The following SRGAP2B variants were observed in gnomAD, a reference collection of about 807,000 sequenced individuals.
SRGAP2B encodes SLIT-ROBO Rho GTPase-activating protein 2B.
In SRGAP2B, 9 loss-of-function variants were observed where a neutral mutation model predicts 22.2. That is an observed-to-expected ratio of 0.41 (90% CI 0.24 to 0.71). The LOEUF (loss-of-function observed/expected upper bound fraction) is 0.71, where lower values mean the gene tolerates loss of function less well. Among genes scored for constraint, SRGAP2B ranks in the 30% least tolerant of loss-of-function variants. The probability of loss-of-function intolerance (pLI) is 0.35; values close to 1 mark genes in which losing one functional copy is unlikely to be tolerated. For synonymous variants in SRGAP2B, 36 were observed against 87.4 expected, an observed-to-expected ratio of 0.41 and a Z score of 3.28; for missense variants, 114 against 235.8, an observed-to-expected ratio of 0.48 and a Z score of 3.38.
At position 144,956,439 on chromosome 1, in the gene SRGAP2B, C is replaced by CTTTTT. The variant is rs3069132; in HGVS notation, c.261-843_261-839dup. Among the ~76,000 whole-genome samples, 19 of 95,384 alleles carry CTTTTT rather than the reference C, an allele frequency of 2.0e-4. 2 individuals carry two copies. In the East Asian group the frequency reaches 3.3e-3, roughly 17 times the overall value. 62.6% of individuals were successfully genotyped at this position (95,384 alleles called of 152,430 possible). A position where few individuals can be genotyped will look rare whatever the true frequency, so the allele number is the denominator to read the frequency against. On this transcript the variant is annotated intron_variant, in intron 3 of 9. Coordinates refer to ENST00000612199, the Ensembl canonical transcript of SRGAP2B. ...AGTGCTAAACCAAGGTGCTCATTCC[C>CTTTTT]TTTTTTTTTTTTTTTTTTTTTTTTT...
chr1:144,993,043 G>T (rs1462654599), intron 3 of SRGAP2B, among the ~76,000 whole-genome samples: 1 of 151,378 alleles, frequency 6.6e-6, no homozygotes, highest in Non-Finnish European at 1.5e-5. Context: ...ACCTGAGATG[G>T]GTCTTAAGAC....
chr1:144,978,936 T>A (rs1669094112), intron 3 of SRGAP2B, among the ~76,000 whole-genome samples: 1 of 150,928 alleles, frequency 6.6e-6, no homozygotes, highest in Non-Finnish European at 1.5e-5. Flanking sequence ...GCACTTATCA[T>A]CTGGCTGGAA....
At chr1:145,066,555 CT>C (rs1409048020) in intron 2 of SRGAP2B, among the ~76,000 whole-genome samples, 10 of 149,492 alleles carry the variant, frequency 6.7e-5, no homozygotes, top group Admixed American at 2.7e-4. Flanking sequence ...GGTTCAAAAT[CT>C]TTCCTCTGGA....
intron 5 of SRGAP2B, among the ~76,000 whole-genome samples, chr1:144,913,969 AGTGT>A (rs1291659540): frequency 1.3e-5 from 2 of 150,266 alleles, no homozygotes; most frequent in African/African-American, 5.0e-5. Context: ...TATGTGTGTG[AGTGT>A]GTGTTTGTTT....
At chr1:145,044,788 G>A (rs1366069694) in intron 2 of SRGAP2B, among the ~76,000 whole-genome samples, 2 of 140,648 alleles carry the variant, frequency 1.4e-5, no homozygotes, top group Admixed American at 7.2e-5. Flanking sequence ...AGGATATGAG[G>A]GGTAATATTA....
At chr1:145,080,670 G>C (rs1652840138) in intron 2 of SRGAP2B, among the ~76,000 whole-genome samples, 1 of 147,828 alleles carries the variant, frequency 6.8e-6, no homozygotes, top group Non-Finnish European at 1.5e-5. Context: ...CCTGCCTCAG[G>C]CTCCCAAGTA....
At chr1:145,003,723 G>A (rs1301406958) in intron 2 of SRGAP2B, among the ~76,000 whole-genome samples, 2 of 149,770 alleles carry the variant, frequency 1.3e-5, no homozygotes, top group African/African-American at 2.5e-5. Context: ...GGAGTCCTAT[G>A]CTGTCTAAAT....
intron 4 of SRGAP2B, chr1:144,918,244 C>A (rs1394732356): frequency 2.1e-5 from 3 of 144,624 alleles, no homozygotes; most frequent in African/African-American, 8.5e-5. Flanking sequence ...CAAAGTTTTT[C>A]TCTTAAATGT....
intron 3 of SRGAP2B, among the ~76,000 whole-genome samples, chr1:144,992,798 CATTT>C (rs1298817951): frequency 1.4e-5 from 2 of 146,244 alleles, no homozygotes; most frequent in Admixed American, 6.9e-5. Flanking sequence ...TTCATTCATT[CATTT>C]ATTTATTCCA....
At chr1:145,025,083 AT>A (rs1420329238) in intron 2 of SRGAP2B, among the ~76,000 whole-genome samples, 5 of 107,610 alleles carry the variant, frequency 4.6e-5, no homozygotes, top group African/African-American at 2.0e-4. Flanking sequence ...GGTCATCAAA[AT>A]TAGAACAATC....
Position 144,966,354 on chromosome 1 carries a change from A to G in SRGAP2B, c.261-10753T>C, listed in dbSNP as rs587655623. ...CCAATATTCAACATTCTTAAAGAAA[A>G]GAATTTTCAACCCAGAATTTCATAT... On this transcript the variant is annotated intron_variant, in intron 3 of 9. Coordinates refer to ENST00000612199, the Ensembl canonical transcript of SRGAP2B. Among the ~76,000 whole-genome samples, 4 of 149,390 alleles carry G rather than the reference A, an allele frequency of 2.7e-5. No homozygotes were observed. The East Asian group carries it at 7.8e-4, about 29-fold the overall frequency.
intron 3 of SRGAP2B, among the ~76,000 whole-genome samples, chr1:144,994,604 GAGAGAGAC>G (rs1348834196): frequency 2.1e-5 from 3 of 142,904 alleles, no homozygotes; most frequent in Non-Finnish European, 1.5e-5. Context: ...GAGAGAGAGA[GAGAGAGAC>G]AGAGATTAAG....
At chr1:144,928,660 G>C (rs1489531170) in intron 4 of SRGAP2B, among the ~76,000 whole-genome samples, 8 of 140,774 alleles carry the variant, frequency 5.7e-5, no homozygotes, top group Non-Finnish European at 1.1e-4. Context: ...GGATGGTCTC[G>C]ATCTCCGGAC....
intron 3 of SRGAP2B, among the ~76,000 whole-genome samples, chr1:144,992,915 G>A (rs1228954602): frequency 7.3e-5 from 11 of 151,382 alleles, no homozygotes; most frequent in Non-Finnish European, 1.3e-4. Flanking sequence ...GAAGATAACA[G>A]AAGGTAGATA....
intron 3 of SRGAP2B, among the ~76,000 whole-genome samples, chr1:144,963,629 TAGCAGATTTTTAAA>T (rs1250014636): frequency 6.9e-6 from 1 of 145,304 alleles, no homozygotes; most frequent in Non-Finnish European, 1.5e-5. Context: ...ACAGATGTGT[TAGCAGATTTTTAAA>T]ATAAATGAAA....
intron 3 of SRGAP2B, among the ~76,000 whole-genome samples, chr1:144,992,209 A>C (rs1329280466): frequency 6.6e-6 from 1 of 150,554 alleles, no homozygotes; most frequent in Non-Finnish European, 1.5e-5. Context: ...GAAACTCCGA[A>C]CACATCTGAA....
At chr1:144,904,130 T>C (rs1440455427) in intron 7 of SRGAP2B, among the ~76,000 whole-genome samples, 2 of 148,960 alleles carry the variant, frequency 1.3e-5, no homozygotes, top group African/African-American at 2.5e-5. Flanking sequence ...ATGGGCCAGA[T>C]GTCAGGGGGA....
At chr1:144,956,873 A>G (rs1453427529) in intron 3 of SRGAP2B, among the ~76,000 whole-genome samples, 1 of 148,882 alleles carries the variant, frequency 6.7e-6, no homozygotes, top group Non-Finnish European at 1.5e-5. Flanking sequence ...GAGAAACAAA[A>G]GTAGGAATAA....
chr1:145,080,941 T>A lies in SRGAP2B; in HGVS notation c.67+11894A>T, dbSNP rs587660985. Reference sequence around the variant, plus strand: ...GTTTCTAATGTTTAACCCCTAGTATTTTAGATGAGAATACCAAGGCATAGG... The same window carrying A: ...GTTTCTAATGTTTAACCCCTAGTATATTAGATGAGAATACCAAGGCATAGG... On this transcript the variant is annotated intron_variant, in intron 2 of 9. Transcript: ENST00000612199. Among the ~76,000 whole-genome samples, 38 of 149,106 alleles carry A rather than the reference T, an allele frequency of 2.5e-4. 5 individuals are homozygous for A. The highest frequency in any genetic ancestry group is 9.4e-4 in the African/African-American group (37 of 39,170).
Sources: allele counts gnomAD v4.1 joint callset (sites outside exome capture counted in the v4.1 genomes callset), GRCh38; gene constraint gnomAD v4.1.1; transcripts MANE v1.5; gene names NCBI Gene and HGNC (gene_info 2026-07-23, HGNC 2026-07-21).